The following CPXM2 variants were observed in gnomAD, a reference collection of about 807,000 sequenced individuals.
CPXM2 encodes the protein carboxypeptidase X, M14 family member 2, also known as inactive carboxypeptidase-like protein X2.
Under a neutral mutation model 86.1 loss-of-function variants are expected in CPXM2, and 66 were observed. That is an observed-to-expected ratio of 0.77 (90% CI 0.63 to 0.94). CPXM2 has a LOEUF of 0.94. Ranked by LOEUF, CPXM2 falls within the 40% of genes least tolerant of loss-of-function variation. The pLI, the probability that CPXM2 is intolerant of heterozygous loss-of-function variation, is 0.00. For missense variants in CPXM2, 948 were observed against 1,026.3 expected (o/e 0.92, Z 1.04); for synonymous variants, 388 against 400.2 (o/e 0.97, Z 0.36).
At chr10:123,815,067 C>T (rs916510262) in intron 4 of CPXM2, among the ~76,000 whole-genome samples, 1 of 152,168 alleles carries the variant, frequency 6.6e-6, no homozygotes, top group African/African-American at 2.4e-5. Context: ...ATTTGACACT[C>T]CTAATTCATC....
At chr10:123,755,743 G>A (rs1276593262) in intron 12 of CPXM2, among the ~76,000 whole-genome samples, 1 of 152,204 alleles carries the variant, frequency 6.6e-6, no homozygotes, top group Admixed American at 6.5e-5. Context: ...CCTGTAGAAT[G>A]ATGTGCCAAT....
At chr10:123,785,734 G>T (rs571139076) in intron 6 of CPXM2, among the ~76,000 whole-genome samples, 1 of 150,936 alleles carries the variant, frequency 6.6e-6, no homozygotes, top group East Asian at 2.0e-4. Flanking sequence ...CCGGGTTCAC[G>T]CCATTCTCCT....
chr10:123,937,742 C>T (rs1945736339), intron 2 of CPXM2, among the ~76,000 whole-genome samples: 1 of 152,102 alleles, frequency 6.6e-6, no homozygotes, highest in African/African-American at 2.4e-5. Flanking sequence ...AAGCCCCAGG[C>T]AACTTTTATT....
At chr10:123,896,364 A>C (rs1590110496), upstream of CPXM2, among the ~76,000 whole-genome samples, 1 of 152,364 alleles carries the variant, frequency 6.6e-6, no homozygotes, top group East Asian at 1.9e-4. Context: ...GAGAGATACT[A>C]AGTTGTTATG....
At chr10:123,818,437 C>T (rs1401713105) in intron 4 of CPXM2, among the ~76,000 whole-genome samples, 2 of 152,184 alleles carry the variant, frequency 1.3e-5, no homozygotes, top group Non-Finnish European at 2.9e-5. Context: ...AGCTACCAGG[C>T]AGCAGGTTGA....
chr10:123,887,837 C>T (rs1164774689), intron 1 of CPXM2, among the ~76,000 whole-genome samples: 1 of 152,042 alleles, frequency 6.6e-6, no homozygotes, highest in African/African-American at 2.4e-5. Context: ...GTACATGGGG[C>T]CTCAGTGTAC....
intron 11 of CPXM2, among the ~76,000 whole-genome samples, chr10:123,759,327 C>G (rs914216435): frequency 6.6e-6 from 1 of 152,190 alleles, no homozygotes; most frequent in Non-Finnish European, 1.5e-5. Context: ...GTCACTTCCA[C>G]CCTTTTCGTC....
chr10:123,910,771 C>G (rs1402238705), intron 2 of CPXM2, among the ~76,000 whole-genome samples: 1 of 152,206 alleles, frequency 6.6e-6, no homozygotes, highest in African/African-American at 2.4e-5. Context: ...AATTTATTCT[C>G]TCACGGTCCT....
rs771990872 is a variant in CPXM2 at position 123,778,758 on chromosome 10, G to A, written c.978+1409C>T. On this transcript the variant is annotated intron_variant, in intron 7 of 13. Transcript: ENST00000241305. ...TCCTGAGATGTCCAGTGAGCAAAGC[G>A]GAGTTAACACACCAGTGCTCCATAA... Among the ~76,000 whole-genome samples, 103 of 152,160 alleles carry A rather than the reference G, an allele frequency of 6.8e-4. 3 individuals carry two copies. The highest frequency in any genetic ancestry group is 1.9e-4 in the East Asian group (1 of 5,206).
intron 2 of CPXM2, among the ~76,000 whole-genome samples, chr10:123,912,311 G>GA (rs1945496356): frequency 8.2e-6 from 1 of 121,820 alleles, no homozygotes; most frequent in Non-Finnish European, 1.8e-5. Flanking sequence ...TGGTGGGCGG[G>GA]GGGGGGGGGG....
intron 2 of CPXM2, 66 bp downstream of exon 2, chr10:123,880,145 T>TTGGGCCCCCCCC: frequency 2.5e-6 from 1 of 407,578 alleles, no homozygotes; most frequent in Non-Finnish European, 4.8e-6. Flanking sequence ...CAGGGGCCTG[T>TTGGGCCCCCCCC]ACCCACCCAC....
At chr10:123,829,059 A>G (rs1315575087) in intron 4 of CPXM2, among the ~76,000 whole-genome samples, 1 of 152,250 alleles carries the variant, frequency 6.6e-6, no homozygotes, top group African/African-American at 2.4e-5. Flanking sequence ...CATGGACAAA[A>G]GACAGGAAGA....
At chr10:123,901,617 G>C (rs1229401114) in intron 2 of CPXM2, among the ~76,000 whole-genome samples, 1 of 152,140 alleles carries the variant, frequency 6.6e-6, no homozygotes, top group Non-Finnish European at 1.5e-5. Flanking sequence ...GAACCTGAAA[G>C]AGCCAATCTT....
At chr10:123,891,819 G>GGGGCT (rs1378271174), upstream of CPXM2, 45 of 269,132 alleles carry the variant, frequency 1.7e-4, no homozygotes, top group African/African-American at 3.0e-4. The surrounding 1 kb of genome is among the most constrained non-coding windows in gnomAD (Gnocchi z 5.6). Flanking sequence ...ACCGGCCCGC[G>GGGGCT]GGGCTGGGCT....
At chr10:123,790,696 C>T (rs1383818382) in intron 6 of CPXM2, among the ~76,000 whole-genome samples, 1 of 152,124 alleles carries the variant, frequency 6.6e-6, no homozygotes, top group Admixed American at 6.5e-5. Context: ...CTCACAGGTA[C>T]AGGCAGGTCT....
chr10:123,858,123 T>C (rs77918615), intron 3 of CPXM2, among the ~76,000 whole-genome samples: 15,939 of 152,228 alleles, frequency 0.1, 1,071 homozygotes, highest in East Asian at 0.37. Flanking sequence ...GCTGCTTCTG[T>C]GTCATAATGA....
chr10:123,794,768 T>TGTGTGTGTGC (rs1178311325), intron 6 of CPXM2, among the ~76,000 whole-genome samples: 1 of 147,602 alleles, frequency 6.8e-6, no homozygotes, highest in African/African-American at 2.6e-5. Flanking sequence ...TGTGTGTGTG[T>TGTGTGTGTGC]GCGCATGTGT....
intron 2 of CPXM2, among the ~76,000 whole-genome samples, chr10:123,907,519 C>G (rs1032812504): frequency 6.6e-6 from 1 of 152,116 alleles, no homozygotes; most frequent in African/African-American, 2.4e-5. Context: ...TCCCCCACCC[C>G]CACCCCAAGT....
At chr10:123,842,737 T>G (rs1564794019) in intron 3 of CPXM2, among the ~76,000 whole-genome samples, 1 of 152,212 alleles carries the variant, frequency 6.6e-6, no homozygotes, top group Admixed American at 6.5e-5. Flanking sequence ...AGATGAAATT[T>G]AATGAGTACT....
Sources: gnomAD v4.1 joint callset for allele counts (sites outside exome capture counted in the v4.1 genomes callset) on GRCh38, gnomAD v4.1.1 for gene constraint, Gnocchi (gnomAD v3.1) non-coding constraint, MANE v1.5 for transcripts, NCBI Gene and HGNC (gene_info 2026-07-23, HGNC 2026-07-21) for gene names.